The following THRB variants were observed in gnomAD, a reference collection of about 807,000 sequenced individuals.
THRB encodes the protein thyroid hormone receptor beta, also known as nuclear receptor subfamily 1 group A member 2.
A neutral mutation model predicts 47.8 loss-of-function variants in THRB; 12 were observed. The observed-to-expected ratio is 0.25, with a 90% CI of 0.16 to 0.41. THRB has a LOEUF of 0.41. Among genes scored for constraint, THRB ranks in the 10% least tolerant of loss-of-function variants. The probability of loss-of-function intolerance (pLI) is 1.00; values close to 1 mark genes in which losing one functional copy is unlikely to be tolerated. For missense variants in THRB, 348 were observed against 589.2 expected (o/e 0.59, Z 4.24); for synonymous variants, 218 against 212.2 (o/e 1.03, Z -0.24).
chr3:24,373,952 C>CTT lies in THRB; in HGVS notation c.-260-36583_-260-36582dup, dbSNP rs34750462. 2.0e-4 allele frequency among the ~76,000 whole-genome samples: 30 copies of CTT among 150,998 alleles called. No individual in the cohort carries two copies. The Middle Eastern group carries it at 0.017, about 86-fold the overall frequency. ...CTTCCAATTTCTGTACATCATTTCC[C>CTT]TTTTTTTTTGGTTTATAAATCTTCT... On this transcript the variant is annotated intron_variant, in intron 1 of 10. Transcript: ENST00000646209.
chr3:24,155,839 C>G (rs561834245), intron 5 of THRB, among the ~76,000 whole-genome samples: 46 of 152,306 alleles, frequency 3.0e-4, no homozygotes, highest in African/African-American at 1.1e-3. Flanking sequence ...TACGACTGTT[C>G]ATGTCAGGAA....
intron 3 of THRB, among the ~76,000 whole-genome samples, chr3:24,292,379 TA>T (rs1406258650): frequency 6.6e-6 from 1 of 152,206 alleles, no homozygotes; most frequent in Non-Finnish European, 1.5e-5. Context: ...ATAGTAGCTG[TA>T]AAAATTAAGT....
At chr3:24,393,763 T>C (rs1560090514) in intron 1 of THRB, among the ~76,000 whole-genome samples, 1 of 152,146 alleles carries the variant, frequency 6.6e-6, no homozygotes. Flanking sequence ...TCCTATCCTC[T>C]GCCAAAGAAT....
intron 1 of THRB, among the ~76,000 whole-genome samples, chr3:24,365,964 T>C (rs2064428189): frequency 6.6e-6 from 1 of 152,188 alleles, no homozygotes; most frequent in Admixed American, 6.6e-5. Flanking sequence ...GGAAATAAGA[T>C]ATTCTAATCG....
intron 4 of THRB, among the ~76,000 whole-genome samples, chr3:24,208,340 A>C (rs1197007337): frequency 2.6e-5 from 4 of 152,192 alleles, no homozygotes; most frequent in Non-Finnish European, 5.9e-5. Context: ...CAGAATTGGA[A>C]AAAACTACTT....
At chr3:24,241,314 A>T (rs1241343510) in intron 3 of THRB, among the ~76,000 whole-genome samples, 2 of 152,142 alleles carry the variant, frequency 1.3e-5, no homozygotes, top group African/African-American at 4.8e-5. Context: ...GGGCCCAATA[A>T]TGCGTACTTA....
intron 2 of THRB, among the ~76,000 whole-genome samples, chr3:24,326,077 T>A (rs902635765): frequency 5.9e-5 from 9 of 152,178 alleles, no homozygotes; most frequent in African/African-American, 2.2e-4. Flanking sequence ...TCCACCATCA[T>A]CTTTTGCTCT....
At chr3:24,325,567 A>T (rs1379375372) in intron 2 of THRB, among the ~76,000 whole-genome samples, 1 of 152,144 alleles carries the variant, frequency 6.6e-6, no homozygotes, top group Non-Finnish European at 1.5e-5. Context: ...CCTGCCTGTA[A>T]TCTCAGCTAC....
Position 24,313,911 on chromosome 3 carries a change from C to T in THRB, c.-188-16540G>A, listed in dbSNP as rs537435386. ...TAGACATTTATTGTAGCTTCCCACA[C>T]AAAGCTAGAATGCTGTCTATAATAT... is the stretch of plus-strand genomic sequence containing the variant. On this transcript the variant is annotated intron_variant, in intron 2 of 10. Transcript: ENST00000646209. Among the ~76,000 whole-genome samples, 3 of 152,234 alleles carry T rather than the reference C, an allele frequency of 2.0e-5. 1 individual carries two copies. The East Asian group carries it at 5.8e-4, about 29-fold the overall frequency.
intron 3 of THRB, among the ~76,000 whole-genome samples, chr3:24,238,774 T>G (rs901170688): frequency 6.6e-6 from 1 of 152,146 alleles, no homozygotes; most frequent in Non-Finnish European, 1.5e-5. Context: ...TTATGAAGAC[T>G]GCTGTGCTCC....
chr3:24,464,570 T>C (rs1396931601), intron 1 of THRB, among the ~76,000 whole-genome samples: 1 of 152,222 alleles, frequency 6.6e-6, no homozygotes, highest in Non-Finnish European at 1.5e-5. Context: ...TTATGCAATC[T>C]GGAGGTCTTT....
chr3:24,289,719 C>T (rs1171478100), intron 3 of THRB, among the ~76,000 whole-genome samples: 12 of 152,304 alleles, frequency 7.9e-5, no homozygotes, highest in African/African-American at 2.6e-4. Flanking sequence ...GCTAAAATAT[C>T]GAAAAGGCTG....
chr3:24,245,629 C>T (rs996898929), intron 3 of THRB, among the ~76,000 whole-genome samples: 2 of 152,112 alleles, frequency 1.3e-5, no homozygotes, highest in Non-Finnish European at 2.9e-5. Context: ...AACTGAGGGC[C>T]TGGTCAGGTG....
chr3:24,294,950 T>C (rs2056320119), intron 3 of THRB, among the ~76,000 whole-genome samples: 1 of 152,210 alleles, frequency 6.6e-6, no homozygotes, highest in African/African-American at 2.4e-5. Flanking sequence ...GATAGAGATG[T>C]CTTCACTGAA....
chr3:24,440,198 T>G (rs2071394594), intron 1 of THRB, among the ~76,000 whole-genome samples: 1 of 152,234 alleles, frequency 6.6e-6, no homozygotes, highest in African/African-American at 2.4e-5. Flanking sequence ...AAACTTAACC[T>G]TGTTCCATCA....
chr3:24,199,099 G>C (rs1448574794), intron 4 of THRB, among the ~76,000 whole-genome samples: 1 of 152,150 alleles, frequency 6.6e-6, no homozygotes, highest in Non-Finnish European at 1.5e-5. Flanking sequence ...CTACATGCCA[G>C]ATAGCATCCG....
At chr3:24,417,404 A>G (rs1343380921) in intron 1 of THRB, among the ~76,000 whole-genome samples, 2 of 151,906 alleles carry the variant, frequency 1.3e-5, no homozygotes, top group Non-Finnish European at 2.9e-5. Flanking sequence ...TTAAAATATC[A>G]TTGAAGATAA....
At position 24,427,809 on chromosome 3, in the gene THRB, T is replaced by C. The variant is rs569109661; in HGVS notation, c.-261+66843A>G. 4.6e-5 allele frequency among the ~76,000 whole-genome samples: 7 copies of C among 152,194 alleles called. No homozygotes were observed. The South Asian group carries it at 8.3e-4, about 18-fold the overall frequency. ...CCTTTCTTGGATGTTTGAACTTGAA[T>C]CATAGTATCACAGTATCTTTAACCA... On this transcript the variant is annotated intron_variant, in intron 1 of 10. Transcript: ENST00000646209.
At chr3:24,280,674 A>G (rs561558163) in intron 3 of THRB, among the ~76,000 whole-genome samples, 2,213 of 152,282 alleles carry the variant, frequency 0.015, 58 homozygotes, top group African/African-American at 0.05. Context: ...AAGGCAAATA[A>G]GTTGAAAACT....
Sources: gnomAD v4.1 joint callset for allele counts (sites outside exome capture counted in the v4.1 genomes callset) on GRCh38, gnomAD v4.1.1 for gene constraint, MANE v1.5 for transcripts, NCBI Gene and HGNC (gene_info 2026-07-23, HGNC 2026-07-21) for gene names.